SLC16A3: variants seen among roughly 807,000 people sequenced by gnomAD.
SLC16A3 encodes the protein solute carrier family 16 member 3, also known as monocarboxylate transporter 4.
A neutral mutation model predicts 25.0 loss-of-function variants in SLC16A3; 22 were observed. That is an observed-to-expected ratio of 0.88 (90% CI 0.63 to 1.26). SLC16A3 has a LOEUF of 1.26. Ranked by LOEUF, SLC16A3 falls within the 50% of genes most tolerant of loss-of-function variation. The pLI, the probability that SLC16A3 is intolerant of heterozygous loss-of-function variation, is 0.00. For synonymous variants in SLC16A3, 390 were observed against 309.2 expected (o/e 1.26, Z -2.74); for missense variants, 731 against 666.6 (o/e 1.10, Z -1.06).
At chr17:82,221,610 G>A (rs1230339282) in intron 1 of SLC16A3, among the ~76,000 whole-genome samples, 1 of 148,356 alleles carries the variant, frequency 6.7e-6, no homozygotes, top group African/African-American at 2.5e-5. Context: ...CAACAAAAAA[G>A]ACAACCCAAT....
At chr17:82,222,197 G>A (rs893874199) in intron 1 of SLC16A3, among the ~76,000 whole-genome samples, 1 of 84,030 alleles carries the variant, frequency 1.2e-5, no homozygotes, top group Non-Finnish European at 2.2e-5. Flanking sequence ...TCCCACGTTC[G>A]TGGAGACGAG....
chr17:82,218,368 A>G, intron 1 of SLC16A3, among the ~76,000 whole-genome samples: 1 of 110,740 alleles, frequency 9.0e-6, no homozygotes, highest in African/African-American at 3.6e-5. Flanking sequence ...AGGGGAGCCC[A>G]GCCTCGGTCA....
chr17:82,234,918 C>T (rs905523930), intron 1 of SLC16A3: 2 of 152,230 alleles, frequency 1.3e-5, no homozygotes, highest in Non-Finnish European at 2.9e-5. Flanking sequence ...CCTCCCAGGG[C>T]GCTGGTTCAC....
chr17:82,233,848 AT>A (rs1037072460), intron 1 of SLC16A3: 2,924 of 149,606 alleles, frequency 0.02, 76 homozygotes, highest in African/African-American at 0.068. Context: ...TTATTTTTTT[AT>A]TTTTTTTTTG....
At chr17:82,224,028 G>A (rs940061697), upstream of SLC16A3, among the ~76,000 whole-genome samples, 2 of 141,484 alleles carry the variant, frequency 1.4e-5, no homozygotes, top group African/African-American at 5.4e-5. Context: ...AGAGACACCT[G>A]TGCAGACACA....
chr17:82,237,165 C>G lies in SLC16A3; in HGVS notation c.395C>G (p.Pro132Arg). The G allele has an allele frequency of 2.0e-6, 3 of 1,514,502 alleles. No homozygotes were observed. The highest frequency in any genetic ancestry group is 2.7e-6 in the Non-Finnish European group (3 of 1,130,696). 93.8% of individuals were successfully genotyped at this position (1,514,502 alleles called of 1,614,324 possible). A position where few individuals can be genotyped will look rare whatever the true frequency, so the allele number is the denominator to read the frequency against. Residue 132 changes from proline (P) to arginine (R), a missense_variant, in exon 4 of 5, where the codon CCC becomes CGC. Physicochemically the swap from Pro to Arg is moderately radical, Grantham distance 103. Transcript: ENST00000582743. ...TTGGGTTTGGCACTCAACTTCCAGC[C>G]CTCGCTCATCATGCTGAACCGCTAC... ...TGLGLALNFQ[P>R]SLIMLNRYFS... is the part of the protein sequence containing the mutation.
intron 1 of SLC16A3, among the ~76,000 whole-genome samples, chr17:82,220,336 G>T (rs1373045191): frequency 2.0e-5 from 3 of 152,304 alleles, no homozygotes; most frequent in African/African-American, 7.2e-5. Flanking sequence ...AAGGGGCTGG[G>T]GTAGGGCTCC....
chr17:82,237,075 A>G (rs904098172), intron 3 of SLC16A3, 63 bp from the exon 4 acceptor site: 12 of 1,463,198 alleles, frequency 8.2e-6, no homozygotes, highest in Non-Finnish European at 9.1e-6. Flanking sequence ...CTGGGGGCAG[A>G]GATGAGGGTC....
chr17:82,219,583 C>A (rs1374695939), intron 1 of SLC16A3, among the ~76,000 whole-genome samples: 1 of 147,614 alleles, frequency 6.8e-6, no homozygotes, highest in Non-Finnish European at 1.5e-5. Flanking sequence ...TTCCCCACCG[C>A]CTCCCAGGTG....
At chr17:82,238,057 C>T (rs547223130) in intron 4 of SLC16A3, among the ~76,000 whole-genome samples, 164 bp downstream of exon 4, 53 of 152,194 alleles carry the variant, frequency 3.5e-4, no homozygotes, top group African/African-American at 1.2e-3. Flanking sequence ...CTGGGGCTAG[C>T]GGGTCTCCAT....
chr17:82,234,848 T>G (rs2050570617), intron 1 of SLC16A3: 1 of 151,556 alleles, frequency 6.6e-6, no homozygotes, highest in South Asian at 2.1e-4. Flanking sequence ...GGGGTGGGGG[T>G]GGAGCCCCAC....
chr17:82,221,858 A>C (rs2050390667), intron 1 of SLC16A3, among the ~76,000 whole-genome samples: 1 of 152,058 alleles, frequency 6.6e-6, no homozygotes, highest in African/African-American at 2.4e-5. Context: ...ACATAAGAAG[A>C]CCCTGGTCTC....
At chr17:82,222,064 G>A (rs967284272) in intron 1 of SLC16A3, among the ~76,000 whole-genome samples, 1 of 151,942 alleles carries the variant, frequency 6.6e-6, no homozygotes, top group Non-Finnish European at 1.5e-5. Flanking sequence ...TCGTGGACAG[G>A]AGCCTCGCCC....
At chr17:82,236,977 G>C in intron 3 of SLC16A3, 105 bp downstream of exon 3, 3 of 1,503,284 alleles carry the variant, frequency 2.0e-6, no homozygotes, top group Non-Finnish European at 2.7e-6. Flanking sequence ...GGGTGGCTGC[G>C]GGGTGTCCCG....
At chr17:82,220,838 TAGAC>T (rs1372959343) in intron 1 of SLC16A3, among the ~76,000 whole-genome samples, 1 of 152,146 alleles carries the variant, frequency 6.6e-6, no homozygotes, top group East Asian at 1.9e-4. Context: ...TATTTAGTTT[TAGAC>T]AGAGTCTCAC....
chr17:82,236,900 C>G (rs775051739), intron 3 of SLC16A3, 28 bp downstream of exon 3: 3 of 1,600,150 alleles, frequency 1.9e-6, no homozygotes, highest in Non-Finnish European at 2.5e-6. Context: ...GTGGGCCGCA[C>G]GTGCCAGGAG....
chr17:82,227,265 G>A (rs552852244), upstream of SLC16A3, among the ~76,000 whole-genome samples: 3 of 152,142 alleles, frequency 2.0e-5, no homozygotes, highest in African/African-American at 4.8e-5. Flanking sequence ...GGGGCAGTGA[G>A]GTCCCAGGCT....
In SLC16A3 at chr17:82,223,339, C is replaced by T. The variant is rs1361327442; in HGVS notation, c.-27+5155C>T. Among the ~76,000 whole-genome samples the T allele has an allele frequency of 2.0e-5, 3 of 152,008 alleles. 1 individual carries two copies. Among genetic ancestry groups the T allele is most frequent in the South Asian group, 4.1e-4 (2 of 4,826 alleles). ...TTGGGATTACCGGCATGTGCCATGA[C>T]GCCTGGCTAATTTTTGTATTTTTGG... On this transcript the variant is annotated intron_variant, in intron 1 of 4. Transcript: ENST00000580098.
At chr17:82,223,363 G>C (rs1478149532) in intron 1 of SLC16A3, among the ~76,000 whole-genome samples, 3 of 152,060 alleles carry the variant, frequency 2.0e-5, no homozygotes, top group East Asian at 3.9e-4. Flanking sequence ...TTGTATTTTT[G>C]GTAGAGATTG....
Sources: gnomAD v4.1 joint callset for allele counts (sites outside exome capture counted in the v4.1 genomes callset) on GRCh38, gnomAD v4.1.1 for gene constraint, MANE v1.5 for transcripts, NCBI Gene and HGNC (gene_info 2026-07-23, HGNC 2026-07-21) for gene names.